Variants in ABCG8 observed in about 807,000 individuals in gnomAD.
ABCG8 encodes the protein ATP-binding cassette sub-family G member 8.
Under a neutral mutation model 71.3 loss-of-function variants are expected in ABCG8, and 81 were observed. The ratio of observed to expected loss-of-function variants is 1.14; its 90% CI spans 0.95 to 1.37. The LOEUF is 1.37. ABCG8 is among the 40% of genes most tolerant of loss of function. The pLI, the probability that ABCG8 is intolerant of heterozygous loss-of-function variation, is 0.00. For synonymous variants in ABCG8, 451 were observed against 354.7 expected, an observed-to-expected ratio of 1.27 and a Z score of -3.05; for missense variants, 1,119 against 866.2, an observed-to-expected ratio of 1.29 and a Z score of -3.66.
At chr2:43,851,945 C>G in intron 4 of ABCG8, 123 bp downstream of exon 4, 2 of 1,141,096 alleles carry the variant, frequency 1.8e-6, no homozygotes, top group Non-Finnish European at 1.3e-6. Flanking sequence ...ACTCAGCTTG[C>G]CTTCCGCCAG....
In ABCG8 at chr2:43,852,334, A is replaced by G. The variant is rs758516134; in HGVS notation, c.562-20A>G. 10 of 1,611,934 alleles carry G rather than the reference A, an allele frequency of 6.2e-6. No individual in the cohort carries two copies. The highest frequency in any genetic ancestry group is 2.2e-5 in the East Asian group (1 of 44,888). The stretch of plus-strand genomic sequence containing the variant: ...GAAGGAGGCCCCTGAGGTGGCCTCA[A>G]AGCTCCTTCTGGCCCACAGGTGGAG... On this transcript the variant is annotated intron_variant, in intron 4 of 12. Transcript: ENST00000272286.
intron 6 of ABCG8, among the ~76,000 whole-genome samples, chr2:43,855,853 G>T (rs1167780749): frequency 1.3e-5 from 2 of 151,968 alleles, no homozygotes; most frequent in African/African-American, 4.8e-5. Context: ...TATCTGGATA[G>T]AATTCTCACT....
In ABCG8 at chr2:43,877,415, CTG is replaced by C. The variant is rs567411515; in HGVS notation, c.1757-143_1757-142del. The C allele has an allele frequency of 1.6e-4, 202 of 1,291,084 alleles. 1 individual carries two copies. In the South Asian group the frequency reaches 2.2e-3, roughly 14 times the overall value. 80.0% of individuals were successfully genotyped at this position (1,291,084 alleles called of 1,614,324 possible). A position where few individuals can be genotyped will look rare whatever the true frequency, so the allele number is the denominator to read the frequency against. Reference sequence around the variant, plus strand: ...ATGGGGAGACTGAATATATGGGAGACTGTGGGAATATGGGGAGATCATGCAAA... The same window carrying C: ...ATGGGGAGACTGAATATATGGGAGACTGGGAATATGGGGAGATCATGCAAA... On this transcript the variant is annotated intron_variant, in intron 11 of 12. Transcript: ENST00000272286.
chr2:43,872,579 C>T (rs1195900600), intron 8 of ABCG8, among the ~76,000 whole-genome samples: 2 of 151,952 alleles, frequency 1.3e-5, no homozygotes, highest in African/African-American at 4.8e-5. Context: ...AAAAAGTAGC[C>T]AGTTATGGTG....
At chr2:43,871,933 C>G in intron 6 of ABCG8, 43 bp from the exon 7 acceptor site, 1 of 1,613,000 alleles carries the variant, frequency 6.2e-7, no homozygotes, top group Non-Finnish European at 8.5e-7. Context: ...TGAGCAGGTG[C>G]CAGGGAACAG....
chr2:43,867,697 C>T (rs951467012), intron 6 of ABCG8, among the ~76,000 whole-genome samples: 1 of 149,348 alleles, frequency 6.7e-6, no homozygotes, highest in Admixed American at 6.6e-5. Flanking sequence ...ATAGAATTCT[C>T]ACTCTGTGGA....
chr2:43,874,033 C>T, intron 9 of ABCG8, 47 bp downstream of exon 9: 1 of 1,595,536 alleles, frequency 6.3e-7, no homozygotes. Flanking sequence ...CAGCCACCTC[C>T]AAGCTGTGTT....
chr2:43,858,004 C>G (rs1456269680), intron 6 of ABCG8, among the ~76,000 whole-genome samples: 1 of 151,420 alleles, frequency 6.6e-6, no homozygotes, highest in Non-Finnish European at 1.5e-5. Flanking sequence ...AATTCTCACT[C>G]TCTAGATAGA....
chr2:43,843,601 C>T (rs2104909358), intron 1 of ABCG8, among the ~76,000 whole-genome samples: 1 of 152,212 alleles, frequency 6.6e-6, no homozygotes, highest in South Asian at 2.1e-4. Context: ...ATGCAGTGAG[C>T]TGTGATCATG....
rs534431267 is a variant in ABCG8, at chr2:43,858,729, G to C, written c.964+5861G>C. On this transcript the variant is annotated intron_variant, in intron 6 of 12. Transcript: ENST00000272286. ...ATCTGGATAGAATTCTCACCGTCTG[G>C]GTAGAACTCTCACTATCTGGATAGA... Among the ~76,000 whole-genome samples the C allele has an allele frequency of 1.7e-3, 220 of 126,118 alleles. 1 individual carries two copies. Among genetic ancestry groups the C allele is most frequent in the African/African-American group, 5.7e-3 (210 of 37,032 alleles). The allele number at this position is 126,118 out of a possible 152,430, so 82.7% of individuals were successfully genotyped here. A position where few individuals can be genotyped will look rare whatever the true frequency, so the allele number is the denominator to read the frequency against.
intron 1 of ABCG8, among the ~76,000 whole-genome samples, chr2:43,840,492 G>A (rs989914870): frequency 2.6e-5 from 4 of 152,186 alleles, no homozygotes; most frequent in Non-Finnish European, 5.9e-5. Context: ...CCTTCTGTCC[G>A]ATCCTGTCAC....
Position 43,873,826 on chromosome 2 carries a change from C to G in ABCG8, c.1251C>G (p.Leu417=). 6.2e-7 allele frequency: 1 copy of G among 1,614,192 alleles called. No homozygotes were observed. Among genetic ancestry groups the G allele is most frequent in the Non-Finnish European group, 8.5e-7 (1 of 1,180,048 alleles). ...ACGACTTCCGAGACCTGCCCACCCT[C>G]CTCATCCATGGGGCGGAGGCCTGTC... ...ISNDFRDLPT[L]LIHGAEACLM... The change falls in exon 9 of 13, where the codon CTC becomes CTG. Residue 417 remains leucine, a synonymous_variant. Coordinates refer to ENST00000272286, the MANE Select transcript of ABCG8 (RefSeq NM_022437.3).
Position 43,877,934 on chromosome 2 carries a change from G to T in ABCG8, c.*21G>T. ...GGTGATTCACGCCAGACGTCTGCCC[G>T]CTGGTGGGGGACCTGAGCAGACCCT... On this transcript the variant is annotated 3_prime_UTR_variant, in exon 13 of 13. Coordinates refer to ENST00000272286, the MANE Select transcript of ABCG8 (RefSeq NM_022437.3). The T allele has an allele frequency of 3.7e-6, 6 of 1,614,082 alleles. No homozygotes were observed. In the African/African-American group the frequency reaches 4.0e-5, roughly 11 times the overall value.
intron 6 of ABCG8, among the ~76,000 whole-genome samples, chr2:43,867,320 C>A (rs974195897): frequency 1.4e-4 from 21 of 148,792 alleles, no homozygotes; most frequent in Non-Finnish European, 2.7e-4. Flanking sequence ...ACATTGTGCA[C>A]ATGTACCCTA....
In ABCG8 at chr2:43,847,039, A is replaced by T. The variant is rs188742656; in HGVS notation, c.322+728A>T. 324 of 152,492 alleles carry T rather than the reference A, an allele frequency of 2.1e-3. 1 individual carries two copies. Among genetic ancestry groups the T allele is most frequent in the Middle Eastern group, 0.02 (6 of 302 alleles). The allele number at this position is 152,492 out of a possible 1,614,324, so 9.4% of individuals were successfully genotyped here. A position where few individuals can be genotyped will look rare whatever the true frequency, so the allele number is the denominator to read the frequency against. On this transcript the variant is annotated intron_variant, in intron 3 of 12. Coordinates refer to ENST00000272286, the MANE Select transcript of ABCG8 (RefSeq NM_022437.3). ...ACACACACACACTCCCCTCCATTTG[A>T]CAGATGAGGAGACTCAAATCCAAAG...
intron 1 of ABCG8, among the ~76,000 whole-genome samples, chr2:43,840,245 G>A (rs1315256648): frequency 6.6e-6 from 1 of 152,214 alleles, no homozygotes; most frequent in Non-Finnish European, 1.5e-5. Flanking sequence ...GACCCAAGGA[G>A]CCCACCATTT....
chr2:43,873,556 C>T (rs547477347), intron 8 of ABCG8, among the ~76,000 whole-genome samples: 198 of 152,198 alleles, frequency 1.3e-3, no homozygotes, highest in Middle Eastern at 6.8e-3. Flanking sequence ...AGTAACATTG[C>T]CAAGCTGATA....
chr2:43,857,637 C>T (rs893536013), intron 6 of ABCG8, among the ~76,000 whole-genome samples: 4 of 151,590 alleles, frequency 2.6e-5, no homozygotes, highest in African/African-American at 7.3e-5. Context: ...CTAGATAGAA[C>T]TCTCAATAAA....
intron 4 of ABCG8, 97 bp downstream of exon 4, chr2:43,851,919 A>T: frequency 7.1e-7 from 1 of 1,404,088 alleles, no homozygotes; most frequent in South Asian, 1.2e-5. Context: ...ACCCAGCCGC[A>T]GGTCGAGTTT....
Sources: gnomAD v4.1 joint callset for allele counts (sites outside exome capture counted in the v4.1 genomes callset) on GRCh38, gnomAD v4.1.1 for gene constraint, MANE v1.5 for transcripts, NCBI Gene and HGNC (gene_info 2026-07-23, HGNC 2026-07-21) for gene names.